Variants in ANKRD11 observed in about 807,000 individuals in gnomAD.
The protein encoded by ANKRD11 is ankyrin repeat domain 11, also known as ankyrin repeat domain-containing protein 11.
ANKRD11 carries 17 observed loss-of-function variants against 195.7 expected under a neutral mutation model. The observed-to-expected ratio is 0.09, with a 90% confidence interval of 0.06 to 0.13. The LOEUF is 0.13. ANKRD11 is among the 10% of genes least tolerant of loss of function. ANKRD11 has a pLI of 1.00. For synonymous variants in ANKRD11, 1,953 were observed against 1,528.1 expected (o/e 1.28, Z -6.49); for missense variants, 3,735 against 3,566.1 (o/e 1.05, Z -1.21).
intron 2 of ANKRD11, among the ~76,000 whole-genome samples, chr16:89,332,201 A>G (rs1284031965): frequency 6.6e-6 from 1 of 152,180 alleles, no homozygotes; most frequent in Non-Finnish European, 1.5e-5. Flanking sequence ...TGACTTCCTT[A>G]CGTATTAAAG....
chr16:89,377,163 T>C (rs1293713938), intron 2 of ANKRD11, among the ~76,000 whole-genome samples: 1 of 152,184 alleles, frequency 6.6e-6, no homozygotes, highest in Non-Finnish European at 1.5e-5. Context: ...CAACGTGGTC[T>C]TCCTGTCCCC....
chr16:89,335,146 C>T (rs751763215), intron 2 of ANKRD11, among the ~76,000 whole-genome samples: 35 of 152,178 alleles, frequency 2.3e-4, no homozygotes, highest in African/African-American at 7.0e-4. Flanking sequence ...GCCCCATGTC[C>T]GGCCTGTGGG....
intron 1 of ANKRD11, among the ~76,000 whole-genome samples, chr16:89,438,623 G>A (rs866200366): frequency 2.3e-4 from 35 of 152,040 alleles, no homozygotes; most frequent in African/African-American, 3.6e-4. Flanking sequence ...ATGAGCCACC[G>A]TGCCCATCCA....
In ANKRD11 at chr16:89,283,576, G is replaced by T. The variant is rs368190149; in HGVS notation, c.2966C>A (p.Ser989Tyr). 1 of 1,610,704 alleles carries T rather than the reference G, an allele frequency of 6.2e-7. No homozygotes were observed. The highest frequency in any genetic ancestry group is 1.6e-4 in the Middle Eastern group (1 of 6,062). The change falls in exon 9 of 13, where the codon TCC (serine) becomes TAC (tyrosine). Residue 989 changes from serine to tyrosine, a missense_variant. Transcript: ENST00000301030. The surrounding 1 kb of genome is among the most constrained non-coding windows in gnomAD (Gnocchi z 4.3). ...CGCESGFKDKSDGDFGKGLEP... is the reference protein window; with the variant it reads ...CGCESGFKDKYDGDFGKGLEP... ...CAGGCCCTTCCCAAAGTCGCCGTCG[G>T]ACTTGTCCTTGAAGCCACTCTCGCA...
intron 1 of ANKRD11, among the ~76,000 whole-genome samples, chr16:89,452,779 CAA>C (rs11401095): frequency 2.7e-5 from 2 of 73,480 alleles, no homozygotes; most frequent in Non-Finnish European, 2.5e-5. Context: ...GACTCTATCT[CAA>C]AAAAAAAAAA....
intron 2 of ANKRD11, among the ~76,000 whole-genome samples, chr16:89,370,420 G>A (rs914365417): frequency 1.3e-5 from 2 of 152,146 alleles, no homozygotes; most frequent in African/African-American, 4.8e-5. Context: ...AGGATCCTGA[G>A]CCCTCCTGCC....
intron 1 of ANKRD11, among the ~76,000 whole-genome samples, chr16:89,437,680 G>A (rs1225681588): frequency 4.6e-5 from 7 of 152,128 alleles, no homozygotes; most frequent in Non-Finnish European, 5.9e-5. Context: ...AGCTCTCTCC[G>A]GCTCTTCCTG....
intron 2 of ANKRD11, among the ~76,000 whole-genome samples, chr16:89,355,120 T>C (rs942456457): frequency 7.2e-5 from 11 of 152,192 alleles, no homozygotes; most frequent in African/African-American, 1.9e-4. Flanking sequence ...AGCTGCCCTG[T>C]GGTCTCCCGT....
At position 89,418,303 on chromosome 16, in the gene ANKRD11, C is replaced by G; in HGVS notation, c.-79G>C. The G allele has an allele frequency of 2.2e-6, 1 of 454,052 alleles. No homozygotes were observed. 28.1% of individuals were successfully genotyped at this position (454,052 alleles called of 1,614,324 possible). A position where few individuals can be genotyped will look rare whatever the true frequency, so the allele number is the denominator to read the frequency against. The stretch of plus-strand genomic sequence containing the variant: ...ATTTACCGATTCCATAGCTGAAAGT[C>G]AGTGCTGACGAGGACTGTCTTTTAA... On this transcript the variant is annotated 5_prime_UTR_variant, in exon 2 of 13. Transcript: ENST00000301030.
chr16:89,295,739 G>C (rs1030244391), intron 4 of ANKRD11, among the ~76,000 whole-genome samples: 3 of 151,938 alleles, frequency 2.0e-5, no homozygotes, highest in African/African-American at 4.8e-5. Flanking sequence ...GGATGGGGGG[G>C]ATGTGACGCG....
chr16:89,314,086 T>C (rs1393031543), intron 3 of ANKRD11, among the ~76,000 whole-genome samples: 1 of 152,120 alleles, frequency 6.6e-6, no homozygotes, highest in African/African-American at 2.4e-5. Context: ...GAGCCGGGTG[T>C]AGCGGTCTGC....
chr16:89,488,348 G>A (rs1342522946), intron 1 of ANKRD11, among the ~76,000 whole-genome samples: 2 of 151,960 alleles, frequency 1.3e-5, no homozygotes, highest in Admixed American at 1.3e-4. Flanking sequence ...TACAGAAAGA[G>A]GAGAACAACA....
In ANKRD11 at chr16:89,283,315, CTTTCTT is replaced by C. The variant is rs747301279; in HGVS notation, c.3221_3226del (p.Lys1074_Glu1075del). ...TTTCCCTTGGTCGAGAGACGCTTTC[CTTTCTT>C]TGTCTTTGCCATGTGTGTCTTTATG... On this transcript the variant is annotated inframe_deletion, in exon 9 of 13. Transcript: ENST00000301030. This position sits in a 1 kb window ranked among gnomAD's most constrained non-coding sequence, Gnocchi z 4.3. The C allele has an allele frequency of 1.3e-5, 21 of 1,613,972 alleles. No individual in the cohort carries two copies. In the African/African-American group the frequency reaches 1.7e-4, roughly 13 times the overall value.
intron 11 of ANKRD11, among the ~76,000 whole-genome samples, chr16:89,273,792 A>G (rs1365128521): frequency 1.3e-5 from 2 of 152,252 alleles, no homozygotes; most frequent in African/African-American, 4.8e-5. Flanking sequence ...GCACAAAGAG[A>G]TGTTTTCAAC....
intron 1 of ANKRD11, among the ~76,000 whole-genome samples, chr16:89,473,965 A>C (rs1597520360): frequency 6.6e-6 from 1 of 152,220 alleles, no homozygotes. Context: ...AGTCTACTGA[A>C]GCAGAAGACT....
At chr16:89,469,390 T>C (rs1379293235) in intron 1 of ANKRD11, among the ~76,000 whole-genome samples, 1 of 152,010 alleles carries the variant, frequency 6.6e-6, no homozygotes, top group African/African-American at 2.4e-5. Context: ...TCCAGCTAAT[T>C]TTTTTGCATT....
intron 2 of ANKRD11, among the ~76,000 whole-genome samples, chr16:89,321,912 G>A (rs1039861512): frequency 3.3e-5 from 5 of 152,272 alleles, no homozygotes; most frequent in East Asian, 1.9e-4. Context: ...CCCGGAGGAC[G>A]AAAGCCATTC....
At chr16:89,390,047 A>G (rs1212698777) in intron 2 of ANKRD11, among the ~76,000 whole-genome samples, 5 of 50,810 alleles carry the variant, frequency 9.8e-5, no homozygotes, top group Admixed American at 2.1e-4. Context: ...CACCGAGAGA[A>G]AGAAGATCAC....
chr16:89,313,437 T>G, intron 3 of ANKRD11: 1 of 1,289,158 alleles, frequency 7.8e-7, no homozygotes, highest in Non-Finnish European at 1.0e-6. Context: ...GGGCCCTTTC[T>G]CTGACACGCC....
Sources: allele counts gnomAD v4.1 joint callset (sites outside exome capture counted in the v4.1 genomes callset), GRCh38; gene constraint gnomAD v4.1.1; non-coding constraint Gnocchi (gnomAD v3.1); transcripts MANE v1.5; gene names NCBI Gene and HGNC (gene_info 2026-07-23, HGNC 2026-07-21).